CAPZB: variants seen among roughly 807,000 people sequenced by gnomAD.
CAPZB encodes the protein F-actin-capping protein subunit beta.
CAPZB carries 2 observed loss-of-function variants against 38.1 expected under a neutral mutation model. That is an observed-to-expected ratio of 0.05 (90% CI 0.02 to 0.17). The LOEUF is 0.17. CAPZB is among the 10% of genes least tolerant of loss of function. CAPZB has a pLI of 1.00. For missense variants in CAPZB, 161 were observed against 334.2 expected (o/e 0.48, Z 4.04); for synonymous variants, 107 against 127.4 (o/e 0.84, Z 1.08).
intron 1 of CAPZB, among the ~76,000 whole-genome samples, chr1:19,469,785 C>T (rs1570359055): frequency 2.0e-5 from 3 of 151,186 alleles, no homozygotes. Flanking sequence ...CACACACACA[C>T]GCCCGCCCAC....
chr1:19,466,273 T>C (rs1406440399), intron 1 of CAPZB, among the ~76,000 whole-genome samples: 1 of 152,200 alleles, frequency 6.6e-6, no homozygotes, highest in East Asian at 1.9e-4. Context: ...CATGGAGCTA[T>C]TCAAGGTCCT....
Position 19,417,608 on chromosome 1 carries a change from G to A in CAPZB, c.93+2053C>T, listed in dbSNP as rs187549388. Among the ~76,000 whole-genome samples the A allele has an allele frequency of 2.1e-4, 32 of 152,280 alleles. 1 individual carries two copies. The East Asian group carries it at 2.3e-3, about 11-fold the overall frequency. ...TGAGGCACTGCATACAAGTTCAGCCGTCAGTGGGCTGATGGTGACCATTCT... is the reference window on the plus strand; with the variant it reads ...TGAGGCACTGCATACAAGTTCAGCCATCAGTGGGCTGATGGTGACCATTCT... On this transcript the variant is annotated intron_variant, in intron 2 of 8. Coordinates refer to ENST00000264202, the MANE Select transcript of CAPZB (RefSeq NM_004930.5).
intron 1 of CAPZB, among the ~76,000 whole-genome samples, chr1:19,475,459 G>A (rs966429978): frequency 3.9e-5 from 6 of 152,186 alleles, no homozygotes; most frequent in Admixed American, 6.5e-5. Context: ...GTCAGCTGCT[G>A]TTAGGATCAC....
chr1:19,408,824 C>T (rs546815805), intron 2 of CAPZB, among the ~76,000 whole-genome samples: 1 of 152,334 alleles, frequency 6.6e-6, no homozygotes, highest in African/African-American at 2.4e-5. Context: ...TAAGATTTGC[C>T]AAGGCACCTT....
intron 1 of CAPZB, among the ~76,000 whole-genome samples, chr1:19,460,909 A>G (rs1013082248): frequency 6.6e-6 from 1 of 152,068 alleles, no homozygotes; most frequent in Non-Finnish European, 1.5e-5. Context: ...GTTAGCCTTC[A>G]GGAAAGGGGC....
chr1:19,373,474 C>T (rs1043110445), intron 4 of CAPZB, among the ~76,000 whole-genome samples: 26 of 152,126 alleles, frequency 1.7e-4, no homozygotes, highest in Non-Finnish European at 1.2e-4. Context: ...GATCAAAGCC[C>T]AGAGCCTGAA....
At chr1:19,397,606 G>A (rs17394376) in intron 2 of CAPZB, among the ~76,000 whole-genome samples, 28,655 of 152,170 alleles carry the variant, frequency 0.19, 3,241 homozygotes, top group South Asian at 0.3. Flanking sequence ...AGGTCAACGC[G>A]AACGGAACCT....
At chr1:19,387,149 C>A (rs2094208564) in intron 2 of CAPZB, among the ~76,000 whole-genome samples, 1 of 152,148 alleles carries the variant, frequency 6.6e-6, no homozygotes, top group Admixed American at 6.5e-5. Flanking sequence ...CCCCATTTTA[C>A]AGATTAGAGT....
intron 4 of CAPZB, among the ~76,000 whole-genome samples, chr1:19,369,471 GC>G (rs1480874474): frequency 6.6e-6 from 1 of 152,248 alleles, no homozygotes; most frequent in Non-Finnish European, 1.5e-5. Flanking sequence ...TTTCTCACAA[GC>G]CCCAGGCAGT....
rs1237864482 is a variant in CAPZB, at chr1:19,357,155, G to A, written c.471+267C>T. On this transcript the variant is annotated intron_variant, in intron 5 of 8. Transcript: ENST00000264202. This position sits in a 1 kb window ranked among gnomAD's most constrained non-coding sequence, Gnocchi z 4.3. ...GCTGGGATTACAGGCCCGAGCCACC[G>A]TACCTGGCCTCACAATATTGTCTTT... Among the ~76,000 whole-genome samples the A allele has an allele frequency of 2.0e-5, 3 of 152,122 alleles. No homozygotes were observed. Among genetic ancestry groups the A allele is most frequent in the African/African-American group, 4.8e-5 (2 of 41,416 alleles).
At chr1:19,428,653 G>C (rs939449871) in intron 1 of CAPZB, among the ~76,000 whole-genome samples, 1 of 150,288 alleles carries the variant, frequency 6.7e-6, no homozygotes, top group Non-Finnish European at 1.5e-5. Flanking sequence ...TGCATAATGA[G>C]GTCCAGCGCA....
At chr1:19,413,773 C>A (rs1232567921) in intron 2 of CAPZB, among the ~76,000 whole-genome samples, 1 of 152,184 alleles carries the variant, frequency 6.6e-6, no homozygotes, top group Non-Finnish European at 1.5e-5. Flanking sequence ...ACAGATAAAG[C>A]AGATCCTATC....
intron 1 of CAPZB, chr1:19,449,227 G>A (rs1047779047): frequency 1.8e-6 from 2 of 1,126,254 alleles, no homozygotes; most frequent in South Asian, 3.4e-5. Context: ...CCGGAACCAG[G>A]ACAACAGGAA....
chr1:19,437,742 A>G (rs2094462848), intron 1 of CAPZB, among the ~76,000 whole-genome samples: 1 of 152,114 alleles, frequency 6.6e-6, no homozygotes, highest in African/African-American at 2.4e-5. Flanking sequence ...TTTACCAGGG[A>G]CCCCAGCAAA....
At chr1:19,468,784 C>T (rs910601620) in intron 1 of CAPZB, among the ~76,000 whole-genome samples, 1 of 152,098 alleles carries the variant, frequency 6.6e-6, no homozygotes, top group Non-Finnish European at 1.5e-5. Context: ...GCCACTGAGT[C>T]GGCACACGCC....
chr1:19,479,491 A>G (rs768285695), intron 1 of CAPZB, among the ~76,000 whole-genome samples: 4 of 152,198 alleles, frequency 2.6e-5, no homozygotes, highest in Non-Finnish European at 5.9e-5. Flanking sequence ...CTGTGTGTCA[A>G]TGATAAACTG....
At chr1:19,466,506 G>A (rs1158392613) in intron 1 of CAPZB, among the ~76,000 whole-genome samples, 4 of 152,318 alleles carry the variant, frequency 2.6e-5, no homozygotes, top group East Asian at 3.9e-4. Flanking sequence ...GAGTAACCTC[G>A]AGGTACCACT....
rs537904048 is a variant in CAPZB at position 19,381,876 on chromosome 1, G to A, written c.216-3223C>T. 7.9e-5 allele frequency among the ~76,000 whole-genome samples: 12 copies of A among 152,078 alleles called. No homozygotes were observed. In the South Asian group the frequency reaches 2.3e-3, roughly 29 times the overall value. On this transcript the variant is annotated intron_variant, in intron 3 of 8. Coordinates refer to ENST00000264202, the MANE Select transcript of CAPZB (RefSeq NM_004930.5). ...CAAAAGCCTCTCATCAGATCTCAGA[G>A]ACAAAGATCCAGGTGAAAAGATGCT...
chr1:19,480,819 C>T lies in CAPZB; in HGVS notation c.3+4617G>A, dbSNP rs186276490. On this transcript the variant is annotated intron_variant, in intron 1 of 8. Coordinates refer to ENST00000264202, the MANE Select transcript of CAPZB (RefSeq NM_004930.5). ...TGTGCGTTCAAGGCACAACCCAGAG[C>T]CAGACAAACTCCAAAGCAGCCATCG... Among the ~76,000 whole-genome samples, 25 of 152,294 alleles carry T rather than the reference C, an allele frequency of 1.6e-4. 1 individual carries two copies. The highest frequency in any genetic ancestry group is 6.0e-4 in the African/African-American group (25 of 41,552).
Sources: gnomAD v4.1 joint callset for allele counts (sites outside exome capture counted in the v4.1 genomes callset) on GRCh38, gnomAD v4.1.1 for gene constraint, Gnocchi (gnomAD v3.1) non-coding constraint, MANE v1.5 for transcripts, NCBI Gene and HGNC (gene_info 2026-07-23, HGNC 2026-07-21) for gene names.